Variants in KMT2C observed in about 807,000 individuals in gnomAD.
KMT2C encodes the protein histone-lysine N-methyltransferase 2C.
In KMT2C, 88 loss-of-function variants were observed where a neutral mutation model predicts 507.9. The ratio of observed to expected loss-of-function variants is 0.17; its 90% CI spans 0.15 to 0.21. The LOEUF is 0.21. KMT2C is among the 10% of genes least tolerant of loss of function. The pLI is 1.00. For synonymous variants in KMT2C, 2,049 were observed against 2,080.8 expected, an observed-to-expected ratio of 0.98 and a Z score of 0.42; for missense variants, 4,954 against 5,957.8, an observed-to-expected ratio of 0.83 and a Z score of 5.55.
At chr7:152,285,143 C>T (rs368234542) in intron 6 of KMT2C, among the ~76,000 whole-genome samples, 27 of 149,962 alleles carry the variant, frequency 1.8e-4, no homozygotes, top group South Asian at 1.3e-3. Context: ...AAAAATTGAA[C>T]GAAACTTAAC....
chr7:152,375,715 A>G (rs1426354434), intron 1 of KMT2C, among the ~76,000 whole-genome samples: 1 of 152,118 alleles, frequency 6.6e-6, no homozygotes, highest in Non-Finnish European at 1.5e-5. Flanking sequence ...ATTTTCCAGC[A>G]GCATGCACTC....
At chr7:152,139,816 C>G (rs2129090003) in intron 55 of KMT2C, 25 bp from the exon 56 acceptor site, 1 of 1,495,574 alleles carries the variant, frequency 6.7e-7, no homozygotes, top group South Asian at 1.2e-5. Context: ...GTACATACTT[C>G]CAATTTATGT....
intron 1 of KMT2C, among the ~76,000 whole-genome samples, chr7:152,410,727 T>A (rs71267484): frequency 1.3e-5 from 2 of 151,100 alleles, no homozygotes; most frequent in Non-Finnish European, 3.0e-5. Flanking sequence ...CCGGGCCCAG[T>A]GACTCACGCC....
intron 1 of KMT2C, among the ~76,000 whole-genome samples, chr7:152,390,944 A>G (rs920000731): frequency 6.6e-6 from 1 of 152,004 alleles, no homozygotes; most frequent in African/African-American, 2.4e-5. Flanking sequence ...CAGGAGTTCA[A>G]GACCAGCCTG....
At chr7:152,153,482 AC>A (rs1324423086) in intron 48 of KMT2C, among the ~76,000 whole-genome samples, 1 of 152,240 alleles carries the variant, frequency 6.6e-6, no homozygotes, top group Non-Finnish European at 1.5e-5. Context: ...TACTTGAAGA[AC>A]ATTTCTATTG....
At chr7:152,207,247 C>T (rs978836426) in intron 24 of KMT2C, 53 bp downstream of exon 24, 229 of 1,300,834 alleles carry the variant, frequency 1.8e-4, no homozygotes, top group Non-Finnish European at 2.3e-4. Context: ...TTGTATTTTT[C>T]TTTAATTAAC....
intron 1 of KMT2C, among the ~76,000 whole-genome samples, chr7:152,370,025 C>CT (rs940331940): frequency 6.6e-6 from 1 of 151,996 alleles, no homozygotes; most frequent in African/African-American, 2.4e-5. Flanking sequence ...AACCCCGTCT[C>CT]TACTAAAAAT....
At chr7:152,407,639 T>C (rs1447440425) in intron 1 of KMT2C, among the ~76,000 whole-genome samples, 2 of 141,016 alleles carry the variant, frequency 1.4e-5, no homozygotes, top group African/African-American at 5.3e-5. Context: ...ACCACTGCAC[T>C]CTAGCCTGGG....
chr7:152,205,685 G>T (rs796417109), intron 24 of KMT2C, among the ~76,000 whole-genome samples: 18 of 152,232 alleles, frequency 1.2e-4, no homozygotes, highest in African/African-American at 4.1e-4. Context: ...TTATAACACC[G>T]TAGCACAATT....
Position 152,194,050 on chromosome 7 carries a change from T to C in KMT2C, c.4619A>G (p.Gln1540Arg), listed in dbSNP as rs2129128836. 6.3e-7 allele frequency: 1 copy of C among 1,587,600 alleles called. No homozygotes were observed. Among genetic ancestry groups the C allele is most frequent in the African/African-American group, 1.4e-5 (1 of 73,240 alleles). The stretch of plus-strand genomic sequence containing the variant: ...CAACAGCTGTGTTGGTGGGGGAGGC[T>C]GTGGCAATGGAGTTGGCTGAGTGTT... ...PANTQPTPLP[Q>R]PPPPTQLLPI... Residue 1540 changes from glutamine to arginine, a missense_variant, in exon 31 of 59, where the codon CAG becomes CGG. This residue lies in a region of KMT2C where 195 missense variants were observed against 183.7 expected (regional missense o/e 1.06). Coordinates refer to ENST00000262189, the MANE Select transcript of KMT2C (RefSeq NM_170606.3).
intron 6 of KMT2C, among the ~76,000 whole-genome samples, chr7:152,283,792 G>C (rs1373280864): frequency 6.6e-6 from 1 of 152,052 alleles, no homozygotes; most frequent in Non-Finnish European, 1.5e-5. Context: ...TACTTACCAG[G>C]TAAAAACCAC....
chr7:152,174,329 T>A, intron 38 of KMT2C, 87 bp from the exon 39 acceptor site: 1 of 654,388 alleles, frequency 1.5e-6, no homozygotes, highest in Admixed American at 3.2e-5. Context: ...AGCTCTTAAA[T>A]TTTATTATTT....
chr7:152,161,870 A>C lies in KMT2C; in HGVS notation c.11460+247T>G, dbSNP rs1364906946. ...TGGTAATAACCAGTTGCTACACATC[A>C]CGTTATATATGAAATGCAATACATG... On this transcript the variant is annotated intron_variant, in intron 43 of 58. Coordinates refer to ENST00000262189, the MANE Select transcript of KMT2C (RefSeq NM_170606.3). Among the ~76,000 whole-genome samples the C allele has an allele frequency of 4.6e-5, 7 of 152,372 alleles. 1 individual carries two copies. In the South Asian group the frequency reaches 1.4e-3, roughly 32 times the overall value.
At position 152,238,765 on chromosome 7, in the gene KMT2C, C is replaced by T; in HGVS notation, c.2594G>A (p.Gly865Asp). 4 of 1,610,400 alleles carry T rather than the reference C, an allele frequency of 2.5e-6. No homozygotes were observed. The South Asian group carries it at 4.4e-5, about 18-fold the overall frequency. Residue 865 changes from glycine (G) to aspartate (D), a missense_variant, in exon 15 of 59, where the codon GGT (glycine) becomes GAT (aspartate). Coordinates refer to ENST00000262189, the MANE Select transcript of KMT2C (RefSeq NM_170606.3). ...CTGCCTGGGTTTAAAAATTTCCCGA[C>T]CTTCTGAAATGTCTGGGGACCAGGA... ...PPSWSPDISEGREIFKPRQLP... is the reference protein window; with the variant it reads ...PPSWSPDISEDREIFKPRQLP...
chr7:152,348,475 T>A lies in KMT2C; in HGVS notation c.250+10112A>T, dbSNP rs575289996. On this transcript the variant is annotated intron_variant, in intron 2 of 58. Transcript: ENST00000262189. ...GTAGCCAGGCATGGTGGCAGGTGCC[T>A]GTAATCCCAGCTACTGAGGAGGCTG... 7.9e-5 allele frequency among the ~76,000 whole-genome samples: 12 copies of A among 151,294 alleles called. 2 individuals carry two copies. The highest frequency in any genetic ancestry group is 2.4e-4 in the African/African-American group (10 of 41,300).
chr7:152,232,822 A>G (rs3951752), intron 16 of KMT2C, among the ~76,000 whole-genome samples: 1 of 152,144 alleles, frequency 6.6e-6, no homozygotes, highest in Non-Finnish European at 1.5e-5. Context: ...TCAGTCATAG[A>G]ACTAATGATG....
chr7:152,158,861 A>T lies in KMT2C; in HGVS notation c.11670+2T>A, dbSNP rs763846747. The T allele has an allele frequency of 6.2e-7, 1 of 1,613,618 alleles. No individual in the cohort carries two copies. Among genetic ancestry groups the T allele is most frequent in the South Asian group, 1.1e-5 (1 of 91,072 alleles). ...AGGCTGCTCTAAATGACTCACCCTC[A>T]CCTGTTTCAAGTGGGTAAACGTGTC... On this transcript the variant is annotated splice_donor_variant, in intron 44 of 58. Coordinates refer to ENST00000262189, the MANE Select transcript of KMT2C (RefSeq NM_170606.3). LOFTEE classifies it high-confidence loss of function.
At chr7:152,362,707 T>C (rs1379202456) in intron 1 of KMT2C, among the ~76,000 whole-genome samples, 1 of 152,254 alleles carries the variant, frequency 6.6e-6, no homozygotes, top group Non-Finnish European at 1.5e-5. Flanking sequence ...TCACTGTCTA[T>C]GCTGTTGTTT....
chr7:152,385,220 C>A (rs2097413356), intron 1 of KMT2C, among the ~76,000 whole-genome samples: 1 of 152,062 alleles, frequency 6.6e-6, no homozygotes, highest in Non-Finnish European at 1.5e-5. Flanking sequence ...TAACCCATTT[C>A]TTTAACAAAT....
Sources: gnomAD v4.1 joint callset for allele counts (sites outside exome capture counted in the v4.1 genomes callset) on GRCh38, gnomAD v4.1.1 for gene constraint, gnomAD v4.1.1 regional missense constraint, MANE v1.5 for transcripts, NCBI Gene and HGNC (gene_info 2026-07-23, HGNC 2026-07-21) for gene names.